Variants in FOXP2 observed in about 807,000 individuals in gnomAD.
FOXP2 encodes forkhead box P2.
FOXP2 carries 12 observed loss-of-function variants against 115.8 expected under a neutral mutation model. The ratio of observed to expected loss-of-function variants is 0.10; its 90% CI spans 0.07 to 0.17. The LOEUF (loss-of-function observed/expected upper bound fraction) is 0.17, where lower values mean the gene tolerates loss of function less well. Ranked by LOEUF, FOXP2 falls within the 10% of genes least tolerant of loss-of-function variation. FOXP2 has a pLI of 1.00. For missense variants in FOXP2, 629 were observed against 843.5 expected (o/e 0.75, Z 3.15); for synonymous variants, 328 against 297.7 (o/e 1.10, Z -1.05).
chr7:114,552,483 C>CA (rs1385396011), intron 3 of FOXP2, among the ~76,000 whole-genome samples: 4 of 152,106 alleles, frequency 2.6e-5, no homozygotes, highest in Non-Finnish European at 5.9e-5. Flanking sequence ...CATATATTTA[C>CA]AAAAAATTAT....
At chr7:114,405,094 G>A (rs767951810) in intron 2 of FOXP2, among the ~76,000 whole-genome samples, 5 of 151,824 alleles carry the variant, frequency 3.3e-5, no homozygotes, top group Non-Finnish European at 5.9e-5. Flanking sequence ...GGATGGATTC[G>A]ATCAAGTGAA....
intron 1 of FOXP2, among the ~76,000 whole-genome samples, chr7:114,153,566 T>A (rs1265380973): frequency 6.6e-6 from 1 of 152,164 alleles, no homozygotes; most frequent in Middle Eastern, 3.2e-3. Flanking sequence ...GAATTAAAAA[T>A]TCTTTCCTGA....
chr7:114,261,417 C>T (rs184991896), intron 1 of FOXP2, among the ~76,000 whole-genome samples: 10 of 152,154 alleles, frequency 6.6e-5, no homozygotes, highest in Admixed American at 2.0e-4. Flanking sequence ...CACTCCTATT[C>T]CTTGCGTGTT....
chr7:114,098,474 A>G (rs1306225971), intron 1 of FOXP2, among the ~76,000 whole-genome samples: 4 of 152,210 alleles, frequency 2.6e-5, no homozygotes, highest in Non-Finnish European at 4.4e-5. Context: ...CAATGGGGAA[A>G]GTATAATCTC....
At chr7:114,403,699 A>G (rs1792948891) in intron 2 of FOXP2, among the ~76,000 whole-genome samples, 1 of 152,224 alleles carries the variant, frequency 6.6e-6, no homozygotes, top group East Asian at 1.9e-4. Context: ...GCCTAAAGGT[A>G]GCACAGATAT....
Position 114,690,176 on chromosome 7 carries a change from A to G in FOXP2, c.*250A>G, listed in dbSNP as rs368786145. On this transcript the variant is annotated 3_prime_UTR_variant, in exon 17 of 17. Transcript: ENST00000350908. ...AAAAAGACAAAAACTGATTTTCTTG[A>G]AAAAAAAAAATGAACTGTTCTTTCT... is the stretch of plus-strand genomic sequence containing the variant. 32 of 355,454 alleles carry G rather than the reference A, an allele frequency of 9.0e-5. No individual in the cohort carries two copies. Among genetic ancestry groups the G allele is most frequent in the South Asian group, 4.3e-4 (17 of 39,310 alleles). The allele number at this position is 355,454 out of a possible 1,614,324, so 22.0% of individuals were successfully genotyped here.
chr7:114,246,756 T>C (rs897697276), intron 1 of FOXP2, among the ~76,000 whole-genome samples: 1 of 152,184 alleles, frequency 6.6e-6, no homozygotes, highest in Non-Finnish European at 1.5e-5. Flanking sequence ...CTATGCTTTT[T>C]GCAAGATGCC....
chr7:114,114,399 C>A (rs1182915478), intron 1 of FOXP2, among the ~76,000 whole-genome samples: 1 of 151,846 alleles, frequency 6.6e-6, no homozygotes, highest in Admixed American at 6.6e-5. Context: ...GGGGCTAGAT[C>A]CTTGACCACG....
chr7:114,498,791 T>C, intron 2 of FOXP2: 1 of 709,164 alleles, frequency 1.4e-6, no homozygotes, highest in Non-Finnish European at 2.6e-6. Flanking sequence ...TGCAAATAAT[T>C]TTTTTGGGGG....
At chr7:114,310,602 A>G (rs373223456) in intron 2 of FOXP2, among the ~76,000 whole-genome samples, 1 of 151,970 alleles carries the variant, frequency 6.6e-6, no homozygotes, top group Non-Finnish European at 1.5e-5. Flanking sequence ...TCTGGCAGGC[A>G]TCAGAGTTTC....
chr7:114,129,001 T>A (rs1267000544), intron 1 of FOXP2, among the ~76,000 whole-genome samples: 1 of 152,184 alleles, frequency 6.6e-6, no homozygotes, highest in Non-Finnish European at 1.5e-5. Context: ...CTGCAATACC[T>A]TGGATATCTG....
At chr7:114,169,158 G>GCCTA (rs77396472) in intron 1 of FOXP2, among the ~76,000 whole-genome samples, 131,191 of 152,028 alleles carry the variant, frequency 0.86, 57,033 homozygotes, top group Non-Finnish European at 0.92. Context: ...CTGGTGCACT[G>GCCTA]GTGCACTGTG....
At chr7:114,203,131 A>G (rs1436103743) in intron 1 of FOXP2, among the ~76,000 whole-genome samples, 1 of 152,204 alleles carries the variant, frequency 6.6e-6, no homozygotes, top group African/African-American at 2.4e-5. Flanking sequence ...TTCATTGCCA[A>G]TTGTGTGGTC....
chr7:114,596,951 G>C (rs921633251), intron 3 of FOXP2, among the ~76,000 whole-genome samples: 1 of 152,008 alleles, frequency 6.6e-6, no homozygotes, highest in Non-Finnish European at 1.5e-5. Context: ...TTATTGTACT[G>C]TAATGTAATC....
At chr7:114,684,225 T>C (rs921493721) in intron 16 of FOXP2, among the ~76,000 whole-genome samples, 2 of 152,144 alleles carry the variant, frequency 1.3e-5, no homozygotes, top group Non-Finnish European at 2.9e-5. Flanking sequence ...CGAGGTTCTT[T>C]ATTCAAATAA....
intron 2 of FOXP2, among the ~76,000 whole-genome samples, chr7:114,432,862 A>T (rs1794176736): frequency 6.6e-6 from 1 of 151,976 alleles, no homozygotes; most frequent in Non-Finnish European, 1.5e-5. Flanking sequence ...TGTCTTCCCT[A>T]GACAAAACAG....
At chr7:114,322,527 T>C (rs1398436335) in intron 2 of FOXP2, among the ~76,000 whole-genome samples, 2 of 152,062 alleles carry the variant, frequency 1.3e-5, no homozygotes, top group African/African-American at 4.8e-5. Flanking sequence ...CCCTGCCATA[T>C]ACAGATGCAC....
At chr7:114,099,195 C>CA (rs1326462749) in intron 1 of FOXP2, among the ~76,000 whole-genome samples, 1 of 151,952 alleles carries the variant, frequency 6.6e-6, no homozygotes, top group Non-Finnish European at 1.5e-5. Context: ...GAGAAACAAT[C>CA]AGATTAAAAA....
rs1277463499 is a variant in FOXP2 at position 114,631,629 on chromosome 7, G to A, written c.699G>A (p.Leu233=). 1 of 1,613,984 alleles carries A rather than the reference G, an allele frequency of 6.2e-7. No individual in the cohort carries two copies. The highest frequency in any genetic ancestry group is 1.3e-5 in the African/African-American group (1 of 75,066). ...AACAACTCCAGCAGCAGCAGCATCTGCTCAGCCTTCAGCGTCAGGGACTCA... is the reference window on the plus strand; with the variant it reads ...AACAACTCCAGCAGCAGCAGCATCTACTCAGCCTTCAGCGTCAGGGACTCA... The part of the protein sequence containing the change: ...QMQQLQQQQH[L]LSLQRQGLIS... Residue 233 remains leucine, a synonymous_variant, in exon 6 of 17, where the codon CTG becomes CTA. Transcript: ENST00000350908.
Sources: gnomAD v4.1 joint callset for allele counts (sites outside exome capture counted in the v4.1 genomes callset) on GRCh38, gnomAD v4.1.1 for gene constraint, MANE v1.5 for transcripts, NCBI Gene and HGNC (gene_info 2026-07-23, HGNC 2026-07-21) for gene names.